The following IFT81 variants were observed in gnomAD, a reference collection of about 807,000 sequenced individuals.
The protein encoded by IFT81 is intraflagellar transport 81.
Under a neutral mutation model 102.6 loss-of-function variants are expected in IFT81, and 72 were observed. The ratio of observed to expected loss-of-function variants is 0.70; its 90% CI spans 0.58 to 0.85. The LOEUF is 0.85. IFT81 is among the 40% of genes least tolerant of loss of function. The pLI, the probability that IFT81 is intolerant of heterozygous loss-of-function variation, is 0.00. For synonymous variants in IFT81, 237 were observed against 242.7 expected (o/e 0.98, Z 0.22); for missense variants, 723 against 787.3 (o/e 0.92, Z 0.98).
Position 110,128,249 on chromosome 12 carries a change from C to G in IFT81, c.248+100C>G, listed in dbSNP as rs1893961706. On this transcript the variant is annotated intron_variant, in intron 3 of 18. Coordinates refer to ENST00000242591, the MANE Select transcript of IFT81 (RefSeq NM_014055.4). ...TTTGTAGGTAATACCTGGTTTCCCT[C>G]ATTTGATGGCCTGAGAACATCACTG... 2.3e-5 allele frequency: 16 copies of G among 710,184 alleles called. No homozygotes were observed. In the South Asian group the frequency reaches 2.8e-4, roughly 12 times the overall value. The allele number at this position is 710,184 out of a possible 1,614,324, so 44.0% of individuals were successfully genotyped here. A position where few individuals can be genotyped will look rare whatever the true frequency, so the allele number is the denominator to read the frequency against.
chr12:110,196,544 C>A (rs1898009366), intron 14 of IFT81, among the ~76,000 whole-genome samples: 1 of 151,996 alleles, frequency 6.6e-6, no homozygotes, highest in South Asian at 2.1e-4. Context: ...CAAACAAAAT[C>A]TTCCTGGTTA....
intron 14 of IFT81, among the ~76,000 whole-genome samples, chr12:110,200,545 G>A (rs1307945430): frequency 6.6e-6 from 1 of 152,096 alleles, no homozygotes; most frequent in Non-Finnish European, 1.5e-5. Flanking sequence ...TGAATGTGAA[G>A]GTCTAGGACA....
At chr12:110,131,460 C>A (rs904698848) in intron 4 of IFT81, among the ~76,000 whole-genome samples, 4 of 152,008 alleles carry the variant, frequency 2.6e-5, no homozygotes, top group African/African-American at 7.2e-5. Flanking sequence ...AATTCTCCTG[C>A]CTCAAGCTCC....
At chr12:110,166,977 A>G (rs1415836095) in intron 11 of IFT81, among the ~76,000 whole-genome samples, 6 of 152,212 alleles carry the variant, frequency 3.9e-5, no homozygotes, top group Non-Finnish European at 2.9e-5. Context: ...AGTTCTAGAC[A>G]TATACAGTGA....
At chr12:110,135,777 G>C (rs1256987690) in intron 7 of IFT81, among the ~76,000 whole-genome samples, 1 of 149,072 alleles carries the variant, frequency 6.7e-6, no homozygotes, top group Non-Finnish European at 1.5e-5. Context: ...TGAGGCAGGA[G>C]AATCACTTGA....
intron 9 of IFT81, among the ~76,000 whole-genome samples, chr12:110,146,032 G>A (rs181530303): frequency 3.5e-4 from 53 of 149,892 alleles, no homozygotes; most frequent in African/African-American, 1.2e-3. Flanking sequence ...GGCTGGTCTC[G>A]ACCTCCTGAC....
At chr12:110,139,859 A>AAT (rs1434079375) in intron 8 of IFT81, among the ~76,000 whole-genome samples, 20,395 of 133,876 alleles carry the variant, frequency 0.15, 1,851 homozygotes, top group Admixed American at 0.23. Flanking sequence ...AATAAAATAA[A>AAT]ATAAAATATA....
chr12:110,195,560 C>T (rs1897964157), intron 14 of IFT81, among the ~76,000 whole-genome samples: 1 of 152,172 alleles, frequency 6.6e-6, no homozygotes, highest in South Asian at 2.1e-4. Flanking sequence ...TCCCTTTCTT[C>T]TTCCTGAAGG....
At position 110,205,372 on chromosome 12, in the gene IFT81, T is replaced by C. The variant is rs1868476525; in HGVS notation, c.1645-71T>C. 4.7e-6 allele frequency: 7 copies of C among 1,482,928 alleles called. No homozygotes were observed. In the South Asian group the frequency reaches 9.8e-5, roughly 21 times the overall value. 91.9% of individuals were successfully genotyped at this position (1,482,928 alleles called of 1,614,324 possible). Reference sequence around the variant, plus strand: ...TCTGATGGTAGTCCTTTGTTGTACATCTAAAGTCATCGTCGCCATATCTGT... The same window carrying C: ...TCTGATGGTAGTCCTTTGTTGTACACCTAAAGTCATCGTCGCCATATCTGT... On this transcript the variant is annotated intron_variant, in intron 15 of 18. Coordinates refer to ENST00000242591, the MANE Select transcript of IFT81 (RefSeq NM_014055.4).
At chr12:110,158,529 C>G (rs989535832) in intron 10 of IFT81, among the ~76,000 whole-genome samples, 1 of 152,004 alleles carries the variant, frequency 6.6e-6, no homozygotes, top group Non-Finnish European at 1.5e-5. Context: ...AGCCACTGTG[C>G]CTGGCCTCAT....
chr12:110,176,094 A>G (rs1258152585), intron 11 of IFT81, among the ~76,000 whole-genome samples: 1 of 151,916 alleles, frequency 6.6e-6, no homozygotes, highest in Non-Finnish European at 1.5e-5. Context: ...CAGGCCTGCT[A>G]GCCTATGTCT....
chr12:110,153,945 G>A (rs2137403138), intron 10 of IFT81, among the ~76,000 whole-genome samples: 1 of 151,796 alleles, frequency 6.6e-6, no homozygotes, highest in Non-Finnish European at 1.5e-5. Flanking sequence ...GTGTTGGGTG[G>A]AATTCACCAG....
intron 10 of IFT81, among the ~76,000 whole-genome samples, chr12:110,162,631 G>A (rs1402003104): frequency 6.6e-6 from 1 of 151,922 alleles, no homozygotes; most frequent in Non-Finnish European, 1.5e-5. Flanking sequence ...CACCATGCCT[G>A]GCCTAATATT....
At chr12:110,139,643 G>A (rs11833255) in intron 8 of IFT81, among the ~76,000 whole-genome samples, 1,808 of 151,030 alleles carry the variant, frequency 0.012, 52 homozygotes, top group African/African-American at 0.041. Flanking sequence ...GCATGGTGGC[G>A]GGTGCCTGTA....
Position 110,157,993 on chromosome 12 carries a change from T to C in IFT81, c.1042-4926T>C, listed in dbSNP as rs539542759. On this transcript the variant is annotated intron_variant, in intron 10 of 18. Transcript: ENST00000242591. ...TTTAAGACAGTAGTTTTAAAGTCTTTATCTAGTTGATCTGCCATCAGGTCT... is the reference window on the plus strand; with the variant it reads ...TTTAAGACAGTAGTTTTAAAGTCTTCATCTAGTTGATCTGCCATCAGGTCT... Among the ~76,000 whole-genome samples, 4 of 152,326 alleles carry C rather than the reference T, an allele frequency of 2.6e-5. No homozygotes were observed. In the South Asian group the frequency reaches 6.2e-4, roughly 24 times the overall value.
intron 10 of IFT81, among the ~76,000 whole-genome samples, chr12:110,147,427 C>T (rs1209199240): frequency 1.3e-5 from 2 of 152,116 alleles, no homozygotes; most frequent in Non-Finnish European, 2.9e-5. Context: ...AGTTAGTTTG[C>T]AAGTGTAGAA....
chr12:110,169,080 CCTCT>C (rs1306529457), intron 11 of IFT81: 1 of 110,276 alleles, frequency 9.1e-6, no homozygotes, highest in East Asian at 3.1e-4. Context: ...TTCCTTCCTT[CCTCT>C]CTCTCTCTCT....
At position 110,203,901 on chromosome 12, in the gene IFT81, A is replaced by G. The variant is rs758918831; in HGVS notation, c.1595A>G (p.Tyr532Cys). 3 of 1,613,718 alleles carry G rather than the reference A, an allele frequency of 1.9e-6. No individual in the cohort carries two copies. Among genetic ancestry groups the G allele is most frequent in the East Asian group, 2.2e-5 (1 of 44,874 alleles). The change falls in exon 15 of 19, where the codon TAT becomes TGT. Residue 532 changes from tyrosine (Y) to cysteine (C), a missense_variant. Tyr to Cys is a radical substitution (Grantham distance 194). Transcript: ENST00000242591. The stretch of plus-strand genomic sequence containing the variant: ...GAGTGTGATGAAAAGAAATCCCAGT[A>G]TGATAGCTGTGCAGCAGGCCTCGAA... ...TQECDEKKSQ[Y>C]DSCAAGLESN...
At chr12:110,150,085 T>C (rs1265969618) in intron 10 of IFT81, among the ~76,000 whole-genome samples, 1 of 151,974 alleles carries the variant, frequency 6.6e-6, no homozygotes, top group East Asian at 1.9e-4. Context: ...TCTCGTTGAT[T>C]TTTTGTTTGT....
Sources: gnomAD v4.1 joint callset for allele counts (sites outside exome capture counted in the v4.1 genomes callset) on GRCh38, gnomAD v4.1.1 for gene constraint, MANE v1.5 for transcripts, NCBI Gene and HGNC (gene_info 2026-07-23, HGNC 2026-07-21) for gene names.